DOK6: variants seen among roughly 807,000 people sequenced by gnomAD.
The protein encoded by DOK6 is downstream of tyrosine kinase 6.
In DOK6, 22 loss-of-function variants were observed where a neutral mutation model predicts 44.0. The observed-to-expected ratio is 0.50, with a 90% confidence interval of 0.36 to 0.71. The LOEUF (loss-of-function observed/expected upper bound fraction) is 0.71. DOK6 is among the 30% of genes least tolerant of loss of function. DOK6 has a pLI of 0.00. For missense variants in DOK6, 340 were observed against 416.4 expected (o/e 0.82, Z 1.60); for synonymous variants, 166 against 145.5 (o/e 1.14, Z -1.01).
chr18:69,413,821 G>A (rs1826400243), intron 1 of DOK6, among the ~76,000 whole-genome samples: 1 of 151,748 alleles, frequency 6.6e-6, no homozygotes, highest in Admixed American at 6.6e-5. Flanking sequence ...CTATTTACTG[G>A]CAGAAAATAC....
chr18:69,614,926 G>A (rs1984249703), intron 3 of DOK6, among the ~76,000 whole-genome samples: 1 of 151,910 alleles, frequency 6.6e-6, no homozygotes, highest in Non-Finnish European at 1.5e-5. Context: ...ATTAAAGATT[G>A]GAGGGGCTCA....
intron 1 of DOK6, among the ~76,000 whole-genome samples, chr18:69,502,299 T>C (rs1981070018): frequency 6.6e-6 from 1 of 152,024 alleles, no homozygotes; most frequent in Non-Finnish European, 1.5e-5. Flanking sequence ...CTCAGGACTC[T>C]GAAACCAAGA....
chr18:69,635,444 A>G (rs1235350949), intron 3 of DOK6, among the ~76,000 whole-genome samples: 1 of 152,050 alleles, frequency 6.6e-6, no homozygotes, highest in African/African-American at 2.4e-5. Context: ...TCCTTCCGTA[A>G]TTGTCCTATC....
At chr18:69,737,923 A>T (rs568763807) in intron 5 of DOK6, among the ~76,000 whole-genome samples, 1 of 152,366 alleles carries the variant, frequency 6.6e-6, no homozygotes, top group South Asian at 2.1e-4. Context: ...CTCGCTACTT[A>T]TCAATGGTTT....
chr18:69,409,145 T>C (rs8096443), intron 1 of DOK6, among the ~76,000 whole-genome samples: 2,273 of 152,272 alleles, frequency 0.015, 28 homozygotes, highest in Middle Eastern at 0.051. Flanking sequence ...GCTTCCCCCT[T>C]CACTGGGTAC....
intron 1 of DOK6, among the ~76,000 whole-genome samples, chr18:69,442,698 A>T (rs1487875178): frequency 6.6e-6 from 1 of 152,080 alleles, no homozygotes; most frequent in Admixed American, 6.6e-5. Flanking sequence ...TACTTTACAC[A>T]TGTTGCTTAT....
chr18:69,739,220 A>C (rs1978720082), intron 6 of DOK6, 117 bp downstream of exon 6: 1 of 1,377,780 alleles, frequency 7.3e-7, no homozygotes, highest in Non-Finnish European at 9.9e-7. Flanking sequence ...CCCTGCCCTG[A>C]TCCTGAGGGC....
chr18:69,777,093 A>G (rs1028438307), intron 7 of DOK6, among the ~76,000 whole-genome samples: 19 of 151,758 alleles, frequency 1.3e-4, no homozygotes, highest in African/African-American at 3.4e-4. Context: ...GTATACGTAT[A>G]TAACTAACCT....
intron 4 of DOK6, among the ~76,000 whole-genome samples, chr18:69,697,284 A>G (rs1415494407): frequency 2.6e-5 from 4 of 152,174 alleles, no homozygotes. Context: ...AAACATATCA[A>G]TCATTTTCCA....
chr18:69,549,083 G>A (rs1477193399), intron 1 of DOK6, among the ~76,000 whole-genome samples: 1 of 139,288 alleles, frequency 7.2e-6, no homozygotes, highest in Non-Finnish European at 1.6e-5. Flanking sequence ...GTGAAAGAGT[G>A]AGACTCCGTC....
At chr18:69,753,261 GT>G (rs1316849760) in intron 6 of DOK6, among the ~76,000 whole-genome samples, 1 of 152,104 alleles carries the variant, frequency 6.6e-6, no homozygotes, top group Non-Finnish European at 1.5e-5. Flanking sequence ...ACCCACCCTT[GT>G]TTCTATCTTT....
chr18:69,650,998 T>C (rs963881299), intron 3 of DOK6, among the ~76,000 whole-genome samples: 6 of 152,190 alleles, frequency 3.9e-5, no homozygotes, highest in Non-Finnish European at 7.3e-5. Context: ...CAGCCATACA[T>C]TCATACATAA....
chr18:69,745,757 A>G (rs1232443514), intron 6 of DOK6, among the ~76,000 whole-genome samples: 1 of 152,218 alleles, frequency 6.6e-6, no homozygotes, highest in African/African-American at 2.4e-5. Flanking sequence ...CATAATATGT[A>G]CTTCACAGTG....
At chr18:69,471,141 C>CGGG (rs143177299) in intron 1 of DOK6, among the ~76,000 whole-genome samples, 18,427 of 147,300 alleles carry the variant, frequency 0.13, 1,339 homozygotes, top group Admixed American at 0.17. Context: ...CCCAGCTACT[C>CGGG]GGGAAGCTGG....
At chr18:69,417,806 A>G (rs1371767897) in intron 1 of DOK6, among the ~76,000 whole-genome samples, 3 of 152,052 alleles carry the variant, frequency 2.0e-5, no homozygotes, top group African/African-American at 7.2e-5. Flanking sequence ...TTCCCAAATG[A>G]TTAGTGATGT....
At chr18:69,833,256 C>T (rs1030181547) in intron 7 of DOK6, among the ~76,000 whole-genome samples, 2 of 152,038 alleles carry the variant, frequency 1.3e-5, no homozygotes, top group Non-Finnish European at 2.9e-5. Flanking sequence ...GACATAAATC[C>T]ACGTGCTTAC....
intron 1 of DOK6, among the ~76,000 whole-genome samples, chr18:69,563,878 C>CTAT (rs2144597513): frequency 6.6e-6 from 1 of 151,792 alleles, no homozygotes; most frequent in East Asian, 1.9e-4. Flanking sequence ...AAAGTAATGC[C>CTAT]TATTTTACAT....
chr18:69,793,651 A>C (rs186988093), intron 7 of DOK6, among the ~76,000 whole-genome samples: 22 of 152,304 alleles, frequency 1.4e-4, no homozygotes, highest in African/African-American at 5.1e-4. Context: ...CTTTTAGGAA[A>C]CATTGAATTA....
At chr18:69,547,730 G>C (rs1982444493) in intron 1 of DOK6, among the ~76,000 whole-genome samples, 1 of 150,626 alleles carries the variant, frequency 6.6e-6, no homozygotes, top group Admixed American at 6.6e-5. Flanking sequence ...CTTAGCCTCT[G>C]GTAACCATCA....
Sources: allele counts gnomAD v4.1 joint callset (sites outside exome capture counted in the v4.1 genomes callset), GRCh38; gene constraint gnomAD v4.1.1; transcripts MANE v1.5; gene names NCBI Gene and HGNC (gene_info 2026-07-23, HGNC 2026-07-21).